Variants in TTPAL observed in about 807,000 individuals in gnomAD.
TTPAL encodes alpha-tocopherol transfer protein-like.
Under a neutral mutation model 28.7 loss-of-function variants are expected in TTPAL, and 21 were observed. The observed-to-expected ratio is 0.73, with a 90% CI of 0.52 to 1.06. The LOEUF is 1.06. Among genes scored for constraint, TTPAL ranks in the 50% least tolerant of loss-of-function variants. The pLI is 0.00. For missense variants in TTPAL, 345 were observed against 425.5 expected (o/e 0.81, Z 1.67); for synonymous variants, 169 against 171.9 (o/e 0.98, Z 0.13).
At chr20:44,483,294 C>T (rs781056015) in intron 2 of TTPAL, among the ~76,000 whole-genome samples, 2 of 152,158 alleles carry the variant, frequency 1.3e-5, no homozygotes, top group African/African-American at 4.8e-5. Flanking sequence ...AAAGCTGTCC[C>T]CACCACTGCT....
chr20:44,483,356 C>T (rs2064124008), intron 2 of TTPAL, among the ~76,000 whole-genome samples: 1 of 152,166 alleles, frequency 6.6e-6, no homozygotes, highest in Non-Finnish European at 1.5e-5. Context: ...TCATGGGGCC[C>T]GTGAATCTCA....
chr20:44,488,398 A>G (rs942989103), intron 4 of TTPAL, among the ~76,000 whole-genome samples: 1 of 152,158 alleles, frequency 6.6e-6, no homozygotes, highest in African/African-American at 2.4e-5. Context: ...TTGTTCCTTC[A>G]TAGGTTCCTT....
chr20:44,481,507 T>G (rs1239707556), intron 2 of TTPAL, among the ~76,000 whole-genome samples: 1 of 152,256 alleles, frequency 6.6e-6, no homozygotes, highest in Non-Finnish European at 1.5e-5. Flanking sequence ...TATTAAACTT[T>G]GGAATGTTCT....
rs2064204243 is a variant in TTPAL at position 44,491,335 on chromosome 20, T to G, written c.*1794T>G. The G allele has an allele frequency of 1.3e-5, 2 of 152,244 alleles. No individual in the cohort carries two copies. Among genetic ancestry groups the G allele is most frequent in the African/African-American group, 4.8e-5 (2 of 41,414 alleles). 9.4% of individuals were successfully genotyped at this position (152,244 alleles called of 1,614,324 possible). On this transcript the variant is annotated 3_prime_UTR_variant, in exon 5 of 5. Transcript: ENST00000262605. ...GGTTTTTGACCTATTTCCTTTCTAATGTATTCCACATGATCATGGTGTTAA... is the reference window on the plus strand; with the variant it reads ...GGTTTTTGACCTATTTCCTTTCTAAGGTATTCCACATGATCATGGTGTTAA...
rs1372318468 is a variant in TTPAL at position 44,494,570 on chromosome 20, C to T, written c.*5029C>T. ...TGTAATAATTTTAGTATGCATGACT[C>T]AGTCTGAAACAATAAAAATCTCTGA... On this transcript the variant is annotated 3_prime_UTR_variant, in exon 5 of 5. Coordinates refer to ENST00000262605, the MANE Select transcript of TTPAL (RefSeq NM_001039199.3). 1 of 152,704 alleles carries T rather than the reference C, an allele frequency of 6.5e-6. No homozygotes were observed. Among genetic ancestry groups the T allele is most frequent in the African/African-American group, 2.4e-5 (1 of 41,424 alleles). 9.5% of individuals were successfully genotyped at this position (152,704 alleles called of 1,614,324 possible). A position where few individuals can be genotyped will look rare whatever the true frequency, so the allele number is the denominator to read the frequency against.
intron 3 of TTPAL, chr20:44,486,366 G>A: frequency 8.4e-6 from 3 of 358,338 alleles, no homozygotes; most frequent in Non-Finnish European, 1.5e-5. Context: ...ACAGGCATGA[G>A]CCACTACACC....
chr20:44,488,726 G>A (rs920786606), intron 4 of TTPAL, among the ~76,000 whole-genome samples: 2 of 152,182 alleles, frequency 1.3e-5, no homozygotes, highest in Admixed American at 1.3e-4. Context: ...ACCCTGACGT[G>A]GGAGCCTGTC....
At position 44,490,110 on chromosome 20, in the gene TTPAL, A is replaced by G. The variant is rs2122954223; in HGVS notation, c.*569A>G. On this transcript the variant is annotated 3_prime_UTR_variant, in exon 5 of 5. Coordinates refer to ENST00000262605, the MANE Select transcript of TTPAL (RefSeq NM_001039199.3). ...GTTTGGAAAGCACCTTAACTGAATCATGTAAGCATCAGGACATAAGCAGCA... is the reference window on the plus strand; with the variant it reads ...GTTTGGAAAGCACCTTAACTGAATCGTGTAAGCATCAGGACATAAGCAGCA... 6.4e-6 allele frequency: 1 copy of G among 156,510 alleles called. No individual in the cohort carries two copies. The highest frequency in any genetic ancestry group is 1.9e-4 in the South Asian group (1 of 5,178). 9.7% of individuals were successfully genotyped at this position (156,510 alleles called of 1,614,324 possible).
chr20:44,488,352 G>A (rs977777524), intron 4 of TTPAL, among the ~76,000 whole-genome samples: 7 of 152,192 alleles, frequency 4.6e-5, no homozygotes. Flanking sequence ...TTACATCTGT[G>A]AAATGCGCTG....
rs148367573 is a variant in TTPAL at position 44,480,915 on chromosome 20, A to G, written c.445+471A>G. ...TTAAGTTCCTCAATGCAGATTCCCA[A>G]TTTCTAGTGGGGAGCATCTGGTGGG... On this transcript the variant is annotated intron_variant, in intron 2 of 4. Coordinates refer to ENST00000262605, the MANE Select transcript of TTPAL (RefSeq NM_001039199.3). The surrounding 1 kb of genome is among the most constrained non-coding windows in gnomAD (Gnocchi z 4.1). Among the ~76,000 whole-genome samples the G allele has an allele frequency of 5.8e-4, 88 of 152,202 alleles. No homozygotes were observed. Among genetic ancestry groups the G allele is most frequent in the African/African-American group, 2.0e-3 (85 of 41,534 alleles).
rs1166012452 is a variant in TTPAL at position 44,489,779 on chromosome 20, T to A, written c.*238T>A. 3.9e-6 allele frequency: 2 copies of A among 518,426 alleles called. No homozygotes were observed. Among genetic ancestry groups the A allele is most frequent in the Non-Finnish European group, 6.8e-6 (2 of 294,830 alleles). The allele number at this position is 518,426 out of a possible 1,614,324, so 32.1% of individuals were successfully genotyped here. On this transcript the variant is annotated 3_prime_UTR_variant, in exon 5 of 5. Coordinates refer to ENST00000262605, the MANE Select transcript of TTPAL (RefSeq NM_001039199.3). The stretch of plus-strand genomic sequence containing the variant: ...TTCTTAAACATTTGGAATCCCAGTC[T>A]GCAACTATTAATCTGGAGGCTATAT...
Position 44,489,721 on chromosome 20 carries a change from C to A in TTPAL, c.*180C>A, listed in dbSNP as rs544805525. On this transcript the variant is annotated 3_prime_UTR_variant, in exon 5 of 5. Transcript: ENST00000262605. Reference sequence around the variant, plus strand: ...GGTAAGCCTTTGGTTACTTTAATTACTCCATGGAAGACATGGAAAATGTCC... The same window carrying A: ...GGTAAGCCTTTGGTTACTTTAATTAATCCATGGAAGACATGGAAAATGTCC... The A allele has an allele frequency of 1.1e-4, 66 of 627,602 alleles. No homozygotes were observed. Among genetic ancestry groups the A allele is most frequent in the Non-Finnish European group, 1.7e-4 (63 of 370,422 alleles). The allele number at this position is 627,602 out of a possible 1,614,324, so 38.9% of individuals were successfully genotyped here. A position where few individuals can be genotyped will look rare whatever the true frequency, so the allele number is the denominator to read the frequency against.
chr20:44,487,769 C>A (rs1164315145), intron 4 of TTPAL, among the ~76,000 whole-genome samples: 1 of 151,978 alleles, frequency 6.6e-6, no homozygotes, highest in Non-Finnish European at 1.5e-5. Flanking sequence ...CTGAATTTTA[C>A]TTGCTTTTTC....
rs1465970448 is a variant in TTPAL at position 44,489,366 on chromosome 20, C to T, written c.854C>T (p.Thr285Ile). ...GGTAGELDTA[T>I]WNAVLLASED... ...ACGGCTGGGGAGCTGGACACTGCCA[C>T]CTGGAACGCGGTACTGCTGGCTTCA... The change falls in exon 5 of 5, where the codon ACC becomes ATC. Residue 285 changes from threonine (T) to isoleucine (I), a missense_variant. Transcript: ENST00000262605. 1 of 1,614,052 alleles carries T rather than the reference C, an allele frequency of 6.2e-7. No individual in the cohort carries two copies. Among genetic ancestry groups the T allele is most frequent in the African/African-American group, 1.3e-5 (1 of 74,900 alleles).
At chr20:44,484,293 T>G (rs1010214748) in intron 2 of TTPAL, 44 bp from the exon 3 acceptor site, 1 of 1,318,706 alleles carries the variant, frequency 7.6e-7, no homozygotes, top group Non-Finnish European at 1.0e-6. Context: ...ACCACTTATT[T>G]ATATTAACTT....
chr20:44,481,034 G>C (rs992665010), intron 2 of TTPAL, among the ~76,000 whole-genome samples: 1 of 152,244 alleles, frequency 6.6e-6, no homozygotes, highest in Non-Finnish European at 1.5e-5. Context: ...ACAGGTATCA[G>C]TGCAAGGGTG....
Position 44,484,316 on chromosome 20 carries a change from G to A in TTPAL, c.446-21G>A, listed in dbSNP as rs369851324. The A allele has an allele frequency of 4.3e-5, 63 of 1,467,768 alleles. No homozygotes were observed. In the African/African-American group the frequency reaches 7.9e-4, roughly 18 times the overall value. 90.9% of individuals were successfully genotyped at this position (1,467,768 alleles called of 1,614,324 possible). A position where few individuals can be genotyped will look rare whatever the true frequency, so the allele number is the denominator to read the frequency against. On this transcript the variant is annotated intron_variant, in intron 2 of 4. Transcript: ENST00000262605. ...TTTATATTAACTTCTGTAACATACT[G>A]TCAATCTCTTATGACCTTAGACAGA...
chr20:44,478,700 G>A (rs528313639), intron 1 of TTPAL: 1 of 152,332 alleles, frequency 6.6e-6, no homozygotes, highest in Admixed American at 6.5e-5. Context: ...ACAAGTGTAT[G>A]TGTATAGTTT....
intron 2 of TTPAL, among the ~76,000 whole-genome samples, chr20:44,481,657 T>C (rs943495843): frequency 6.6e-6 from 1 of 152,180 alleles, no homozygotes; most frequent in African/African-American, 2.4e-5. Flanking sequence ...ATAAACGCCC[T>C]CTTGAAGGGA....
Sources: gnomAD v4.1 joint callset for allele counts (sites outside exome capture counted in the v4.1 genomes callset) on GRCh38, gnomAD v4.1.1 for gene constraint, Gnocchi (gnomAD v3.1) non-coding constraint, MANE v1.5 for transcripts, NCBI Gene and HGNC (gene_info 2026-07-23, HGNC 2026-07-21) for gene names.